MAP7: variants seen among roughly 807,000 people sequenced by gnomAD.
The protein encoded by MAP7 is microtubule associated protein 7, also known as ensconsin.
MAP7 carries 52 observed loss-of-function variants against 94.8 expected under a neutral mutation model. The ratio of observed to expected loss-of-function variants is 0.55; its 90% CI spans 0.44 to 0.69. MAP7 has a LOEUF of 0.69. Among genes scored for constraint, MAP7 ranks in the 30% least tolerant of loss-of-function variants. MAP7 has a pLI of 0.00. For synonymous variants in MAP7, 350 were observed against 357.0 expected (o/e 0.98, Z 0.22); for missense variants, 940 against 964.6 (o/e 0.97, Z 0.34).
At chr6:136,382,338 C>T (rs1303365603) in intron 6 of MAP7, among the ~76,000 whole-genome samples, 2 of 152,124 alleles carry the variant, frequency 1.3e-5, no homozygotes, top group Non-Finnish European at 2.9e-5. Flanking sequence ...GTGTAAAATA[C>T]TAATTGTAGT....
intron 1 of MAP7, among the ~76,000 whole-genome samples, chr6:136,445,193 G>C (rs971747771): frequency 1.3e-5 from 2 of 152,156 alleles, no homozygotes; most frequent in Non-Finnish European, 2.9e-5. Context: ...CTTTCTTACA[G>C]ATGGCAAGCC....
At chr6:136,461,636 T>C (rs906267621) in intron 1 of MAP7, among the ~76,000 whole-genome samples, 1 of 152,186 alleles carries the variant, frequency 6.6e-6, no homozygotes, top group African/African-American at 2.4e-5. Flanking sequence ...GATCCAGAAA[T>C]GGATTAAGGC....
intron 8 of MAP7, among the ~76,000 whole-genome samples, chr6:136,371,656 T>C (rs1774541241): frequency 6.6e-6 from 1 of 152,172 alleles, no homozygotes; most frequent in Non-Finnish European, 1.5e-5. Context: ...ATCAAAAGGG[T>C]CATACTGTTA....
chr6:136,381,919 C>CACACACACAG (rs373754692), intron 6 of MAP7, among the ~76,000 whole-genome samples: 7,442 of 102,428 alleles, frequency 0.073, 478 homozygotes, highest in African/African-American at 0.1. Context: ...CACACACACA[C>CACACACACAG]AGAGAGAGAG....
intron 1 of MAP7, among the ~76,000 whole-genome samples, chr6:136,432,745 T>C (rs567322249): frequency 6.6e-6 from 1 of 152,342 alleles, no homozygotes; most frequent in South Asian, 2.1e-4. Context: ...GCACATTTGC[T>C]TATAAAAAGA....
chr6:136,366,923 AT>A (rs1231790737), intron 8 of MAP7, among the ~76,000 whole-genome samples: 2 of 152,038 alleles, frequency 1.3e-5, no homozygotes, highest in Admixed American at 6.6e-5. Context: ...ACATAAACTC[AT>A]TTTTTTCTTT....
At position 136,505,277 on chromosome 6, in the gene MAP7, G is replaced by GTGTATATATATA. The variant is rs1465266004; in HGVS notation, c.67+45064_67+45065insTATATATATACA. 4.1e-3 allele frequency among the ~76,000 whole-genome samples: 219 copies of GTGTATATATATA among 53,786 alleles called. 4 individuals carry two copies. Among genetic ancestry groups the GTGTATATATATA allele is most frequent in the African/African-American group, 0.015 (192 of 12,394 alleles). 35.3% of individuals were successfully genotyped at this position (53,786 alleles called of 152,430 possible). ...TGTGTGTGTGTGTGTGTGTGTGTGT[G>GTGTATATATATA]TATATATATATATATATATATATAT... On this transcript the variant is annotated intron_variant, in intron 1 of 17. Transcript: ENST00000354570.
intron 1 of MAP7, among the ~76,000 whole-genome samples, chr6:136,422,408 T>G (rs1389265086): frequency 6.6e-6 from 1 of 152,122 alleles, no homozygotes; most frequent in Middle Eastern, 3.2e-3. Flanking sequence ...TGCTTTATTA[T>G]GCTGAAATTC....
Position 136,442,541 on chromosome 6 carries a change from A to C in MAP7, c.68-20742T>G, listed in dbSNP as rs1013973900. On this transcript the variant is annotated intron_variant, in intron 1 of 17. Transcript: ENST00000354570. Reference sequence around the variant, plus strand: ...TTGGGCTTTTAACACAGCGTGGTCCAGGTCCCACCCAGACCCGCTGAGCTG... The same window carrying C: ...TTGGGCTTTTAACACAGCGTGGTCCCGGTCCCACCCAGACCCGCTGAGCTG... Among the ~76,000 whole-genome samples, 68 of 152,172 alleles carry C rather than the reference A, an allele frequency of 4.5e-4. 1 individual carries two copies. The highest frequency in any genetic ancestry group is 1.5e-3 in the African/African-American group (61 of 41,448).
At chr6:136,497,944 A>T (rs1320940345) in intron 1 of MAP7, among the ~76,000 whole-genome samples, 1 of 151,984 alleles carries the variant, frequency 6.6e-6, no homozygotes, top group Non-Finnish European at 1.5e-5. Context: ...AGCCCTCAAA[A>T]TCATCTTTGG....
intron 3 of MAP7, among the ~76,000 whole-genome samples, chr6:136,399,844 G>T (rs1436727583): frequency 2.0e-5 from 3 of 152,050 alleles, no homozygotes; most frequent in Non-Finnish European, 4.4e-5. Context: ...ATTTTAGAAG[G>T]GAGTTGTAGA....
At chr6:136,538,798 C>CAAAAA (rs397836178) in intron 1 of MAP7, among the ~76,000 whole-genome samples, 4 of 65,880 alleles carry the variant, frequency 6.1e-5, no homozygotes, top group East Asian at 4.5e-4. Context: ...GATTTTGTCT[C>CAAAAA]AAAAAAAAAA....
chr6:136,391,699 A>G (rs1255876183), intron 3 of MAP7, among the ~76,000 whole-genome samples: 1 of 151,772 alleles, frequency 6.6e-6, no homozygotes, highest in East Asian at 1.9e-4. Context: ...TATAGTATAC[A>G]CAATAAGTAT....
intron 1 of MAP7, among the ~76,000 whole-genome samples, chr6:136,533,044 G>A (rs1317984171): frequency 2.0e-5 from 3 of 152,170 alleles, no homozygotes; most frequent in Non-Finnish European, 2.9e-5. Flanking sequence ...AGGCCAAGGC[G>A]GGTGGATCAC....
intron 1 of MAP7, among the ~76,000 whole-genome samples, chr6:136,548,472 G>C (rs1338307631): frequency 6.6e-6 from 1 of 152,154 alleles, no homozygotes; most frequent in Non-Finnish European, 1.5e-5. Flanking sequence ...AAATTATAAA[G>C]TATAATTATT....
intron 1 of MAP7, among the ~76,000 whole-genome samples, chr6:136,485,038 C>T (rs1288844271): frequency 3.9e-5 from 6 of 152,124 alleles, no homozygotes; most frequent in Non-Finnish European, 7.4e-5. Flanking sequence ...CATTAATATT[C>T]TTAATCACTT....
chr6:136,471,249 A>C (rs1387083104), intron 1 of MAP7, among the ~76,000 whole-genome samples: 1 of 152,228 alleles, frequency 6.6e-6, no homozygotes, highest in East Asian at 1.9e-4. Flanking sequence ...GGTTTTGATC[A>C]TGGTGGGTCT....
At chr6:136,523,988 C>T (rs1050319236) in intron 1 of MAP7, among the ~76,000 whole-genome samples, 2 of 152,166 alleles carry the variant, frequency 1.3e-5, no homozygotes, top group African/African-American at 4.8e-5. Flanking sequence ...CGTCTGTAAT[C>T]CCAGCACTTT....
chr6:136,506,298 T>C, intron 1 of MAP7, among the ~76,000 whole-genome samples: 1 of 152,118 alleles, frequency 6.6e-6, no homozygotes, highest in East Asian at 1.9e-4. Context: ...GCATAATCAT[T>C]ACTGTGGATG....
Sources: gnomAD v4.1 joint callset for allele counts (sites outside exome capture counted in the v4.1 genomes callset) on GRCh38, gnomAD v4.1.1 for gene constraint, MANE v1.5 for transcripts, NCBI Gene and HGNC (gene_info 2026-07-23, HGNC 2026-07-21) for gene names.